CLCF1: variants seen among roughly 807,000 people sequenced by gnomAD.
The protein encoded by CLCF1 is cardiotrophin like cytokine factor 1.
In CLCF1, 10 loss-of-function variants were observed where a neutral mutation model predicts 21.2. The ratio of observed to expected loss-of-function variants is 0.47; its 90% CI spans 0.29 to 0.80. CLCF1 has a LOEUF of 0.80. CLCF1 is among the 30% of genes least tolerant of loss of function. CLCF1 has a pLI of 0.09. For synonymous variants in CLCF1, 115 were observed against 120.5 expected (o/e 0.95, Z 0.30); for missense variants, 240 against 293.4 (o/e 0.82, Z 1.33).
chr11:67,367,238 G>A (rs949527991), intron 2 of CLCF1, among the ~76,000 whole-genome samples: 4 of 152,194 alleles, frequency 2.6e-5, no homozygotes, highest in East Asian at 1.9e-4. Context: ...GGGCCAAGGC[G>A]GGTGCGAGGC....
chr11:67,373,632 CCCAT>C, upstream of CLCF1: 1 of 1,277,104 alleles, frequency 7.8e-7, no homozygotes, highest in Non-Finnish European at 9.9e-7. Flanking sequence ...CTTTAATAAT[CCCAT>C]CCGCCAGGCC....
chr11:67,370,514 G>C (rs569931461), intron 1 of CLCF1: 1 of 971,874 alleles, frequency 1.0e-6, no homozygotes, highest in Middle Eastern at 5.3e-4. Context: ...AGGAGCTAAC[G>C]AGTACAGCTC....
chr11:67,365,121 G>A lies in CLCF1; in HGVS notation c.*15C>T. On this transcript the variant is annotated 3_prime_UTR_variant, in exon 3 of 3. Coordinates refer to ENST00000312438, the MANE Select transcript of CLCF1 (RefSeq NM_013246.3). This position sits in a 1 kb window ranked among gnomAD's most constrained non-coding sequence, Gnocchi z 5.0. ...GCAGGGTTTGAAGGGGGAGCGAAGAGGAGAAGGTCAGAAGTCAGAAGCCAT... is the reference window on the plus strand; with the variant it reads ...GCAGGGTTTGAAGGGGGAGCGAAGAAGAGAAGGTCAGAAGTCAGAAGCCAT... 2.5e-6 allele frequency: 4 copies of A among 1,613,596 alleles called. No individual in the cohort carries two copies. Among genetic ancestry groups the A allele is most frequent in the Non-Finnish European group, 2.5e-6 (3 of 1,180,010 alleles).
chr11:67,373,532 A>G lies in CLCF1; in HGVS notation c.8T>C (p.Leu3Pro), dbSNP rs766488948. ...GGCCGCCTGGCTCCTACCTGCTCGGAGGTCCATGGGGCTGGGGCCGGGCCG... is the reference window on the plus strand; with the variant it reads ...GGCCGCCTGGCTCCTACCTGCTCGGGGGTCCATGGGGCTGGGGCCGGGCCG... Reference protein sequence around the residue: MDLRAGDSWGMLA... With the variant: MDPRAGDSWGMLA... Residue 3 changes from leucine to proline, a missense_variant, in exon 1 of 3, where the codon CTC becomes CCC. By Grantham distance (98) the Leu-to-Pro change is moderately conservative. Transcript: ENST00000312438. The G allele has an allele frequency of 7.0e-6, 10 of 1,430,248 alleles. No individual in the cohort carries two copies. The African/African-American group carries it at 7.4e-5, about 11-fold the overall frequency. The allele number at this position is 1,430,248 out of a possible 1,614,324, so 88.6% of individuals were successfully genotyped here.
In CLCF1 at chr11:67,364,651, A is replaced by T. The variant is rs1037285354; in HGVS notation, c.*485T>A. 1.1e-5 allele frequency: 2 copies of T among 178,960 alleles called. No individual in the cohort carries two copies. Among genetic ancestry groups the T allele is most frequent in the Non-Finnish European group, 2.4e-5 (2 of 83,420 alleles). 11.1% of individuals were successfully genotyped at this position (178,960 alleles called of 1,614,324 possible). A position where few individuals can be genotyped will look rare whatever the true frequency, so the allele number is the denominator to read the frequency against. On this transcript the variant is annotated 3_prime_UTR_variant, in exon 3 of 3. Transcript: ENST00000312438. ...TCATCTCTTTTTGTGTAGAATTGCC[A>T]CCATGTTTGTTTCCTGAATTGGATG...
chr11:67,368,906 TTTTTCC>T lies in CLCF1; in HGVS notation c.17-1286_17-1281del, dbSNP rs1408923831. The T allele has an allele frequency of 8.3e-4, 734 of 884,670 alleles. No individual in the cohort carries two copies. In the African/African-American group the frequency reaches 8.4e-3, roughly 10 times the overall value. 54.8% of individuals were successfully genotyped at this position (884,670 alleles called of 1,614,324 possible). ...GTGGTTTCTTTCCTATAGTTCTTTT[TTTTTCC>T]TTTTTTTTTTTTTTTTTTGCTGCCA... is the stretch of plus-strand genomic sequence containing the variant. On this transcript the variant is annotated intron_variant, in intron 1 of 2. Coordinates refer to ENST00000312438, the MANE Select transcript of CLCF1 (RefSeq NM_013246.3).
rs1207888173 is a variant in CLCF1 at position 67,365,891 on chromosome 11, C to T, written c.184-261G>A. ...AAGGAGGAGGAGGAGACGCACAAGA[C>T]GCTCAGGAAGGACGTGCTGATTGGC... On this transcript the variant is annotated intron_variant, in intron 2 of 2. Coordinates refer to ENST00000312438, the MANE Select transcript of CLCF1 (RefSeq NM_013246.3). The surrounding 1 kb of genome is among the most constrained non-coding windows in gnomAD (Gnocchi z 5.0). Among the ~76,000 whole-genome samples the T allele has an allele frequency of 5.3e-5, 8 of 152,146 alleles. No individual in the cohort carries two copies. The highest frequency in any genetic ancestry group is 2.1e-4 in the South Asian group (1 of 4,830).
chr11:67,373,642 A>T, upstream of CLCF1: 1 of 1,257,546 alleles, frequency 8.0e-7, no homozygotes, highest in South Asian at 2.8e-5. Flanking sequence ...CCCATCCGCC[A>T]GGCCCACTCG....
rs1862158600 is a variant in CLCF1 at position 67,368,261 on chromosome 11, G to A, written c.17-635C>T. On this transcript the variant is annotated intron_variant, in intron 1 of 2. Coordinates refer to ENST00000312438, the MANE Select transcript of CLCF1 (RefSeq NM_013246.3). ...TTCCTGAGTGTGGGAAGTGTAGGGT[G>A]GGGTTAGATTGAAGGAGATTTAGTG... 3 of 985,170 alleles carry A rather than the reference G, an allele frequency of 3.0e-6. No individual in the cohort carries two copies. In the Admixed American group the frequency reaches 1.8e-4, roughly 61 times the overall value. 61.0% of individuals were successfully genotyped at this position (985,170 alleles called of 1,614,324 possible).
rs748257910 is a variant in CLCF1 at position 67,365,544 on chromosome 11, G to A, written c.270C>T (p.Asp90=). 6.2e-7 allele frequency: 1 copy of A among 1,614,044 alleles called. No homozygotes were observed. Among genetic ancestry groups the A allele is most frequent in the East Asian group, 2.2e-5 (1 of 44,888 alleles). Residue 90 remains aspartate (D), a synonymous_variant, in exon 3 of 3, where the codon GAC becomes GAT. Transcript: ENST00000312438. This position sits in a 1 kb window ranked among gnomAD's most constrained non-coding sequence, Gnocchi z 5.0. ...GAETLPRATV[D]LEVWRSLNDK... ...CATTGAGGCTTCGCCACACCTCCAA[G>A]TCAACAGTGGCCCTGGGCAGAGTCT...
Position 67,372,987 on chromosome 11 carries a change from G to GCTGCCCT in CLCF1, c.16+530_16+536dup, listed in dbSNP as rs1862271920. On this transcript the variant is annotated intron_variant, in intron 1 of 2. Transcript: ENST00000312438. This position sits in a 1 kb window ranked among gnomAD's most constrained non-coding sequence, Gnocchi z 5.9. ...CCGGCCCGGCCCAGCCAGGCTCGGCGCTGCCCTCCGCCCTCCTCTCCGCCG... is the reference window on the plus strand; with the variant it reads ...CCGGCCCGGCCCAGCCAGGCTCGGCGCTGCCCTCTGCCCTCCGCCCTCCTCTCCGCCG... Among the ~76,000 whole-genome samples the GCTGCCCT allele has an allele frequency of 6.7e-6, 1 of 150,238 alleles. No individual in the cohort carries two copies. The highest frequency in any genetic ancestry group is 1.5e-5 in the Non-Finnish European group (1 of 67,332).
chr11:67,368,408 G>C, intron 1 of CLCF1: 1 of 985,382 alleles, frequency 1.0e-6, no homozygotes, highest in Non-Finnish European at 1.2e-6. Flanking sequence ...GGAAGGGAGA[G>C]AGGTGCATTT....
Position 67,365,087 on chromosome 11 carries a change from A to G in CLCF1, c.*49T>C, listed in dbSNP as rs768535294. The G allele has an allele frequency of 1.2e-6, 2 of 1,611,242 alleles. No homozygotes were observed. The highest frequency in any genetic ancestry group is 1.7e-6 in the Non-Finnish European group (2 of 1,179,842). ...GTTGGCATACAGGGCTGGCTCTCAC[A>G]AAGTGGGAGCAGGGTTTGAAGGGGG... On this transcript the variant is annotated 3_prime_UTR_variant, in exon 3 of 3. Transcript: ENST00000312438. This position sits in a 1 kb window ranked among gnomAD's most constrained non-coding sequence, Gnocchi z 5.0.
chr11:67,367,653 G>A (rs763011438), intron 1 of CLCF1, 27 bp from the exon 2 acceptor site: 24 of 1,607,892 alleles, frequency 1.5e-5, no homozygotes, highest in Admixed American at 3.4e-5. Flanking sequence ...CGAGAAGCAT[G>A]AGCGCGGCCC....
At chr11:67,373,874 T>G (rs1590920014), upstream of CLCF1, 1 of 843,728 alleles carries the variant, frequency 1.2e-6, no homozygotes, top group Non-Finnish European at 1.5e-6. Flanking sequence ...GCTGTGGCGG[T>G]ACCACCCTGG....
upstream of CLCF1, chr11:67,373,760 G>T: frequency 3.5e-6 from 4 of 1,130,248 alleles, no homozygotes; most frequent in Non-Finnish European, 4.3e-6. Flanking sequence ...ACAAATTGTA[G>T]CGGCCCTCCC....
At chr11:67,370,971 G>A (rs1375870121) in intron 1 of CLCF1, 1 of 985,354 alleles carries the variant, frequency 1.0e-6, no homozygotes, top group Non-Finnish European at 1.2e-6. Context: ...GGAGCCAGGA[G>A]GAAAGGCCAG....
chr11:67,372,793 C>A lies in CLCF1; in HGVS notation c.16+731G>T, dbSNP rs1218810927. 6.7e-6 allele frequency among the ~76,000 whole-genome samples: 1 copy of A among 150,350 alleles called. No homozygotes were observed. Among genetic ancestry groups the A allele is most frequent in the Non-Finnish European group, 1.5e-5 (1 of 67,232 alleles). On this transcript the variant is annotated intron_variant, in intron 1 of 2. Transcript: ENST00000312438. This position sits in a 1 kb window ranked among gnomAD's most constrained non-coding sequence, Gnocchi z 5.9. The stretch of plus-strand genomic sequence containing the variant: ...CCGGGTCCGGCCCGGCTGCGCCAGC[C>A]CCCCGCCAAACAATAATCACTCCCA...
chr11:67,366,887 C>T (rs1278415609), intron 2 of CLCF1, among the ~76,000 whole-genome samples: 5 of 152,118 alleles, frequency 3.3e-5, no homozygotes, highest in African/African-American at 1.2e-4. Flanking sequence ...CTCTGAACAC[C>T]TCTGGACCAC....
Sources: allele counts gnomAD v4.1 joint callset (sites outside exome capture counted in the v4.1 genomes callset), GRCh38; gene constraint gnomAD v4.1.1; non-coding constraint Gnocchi (gnomAD v3.1); transcripts MANE v1.5; gene names NCBI Gene and HGNC (gene_info 2026-07-23, HGNC 2026-07-21).